The following CSPP1 variants were observed in gnomAD, a reference collection of about 807,000 sequenced individuals.
CSPP1 encodes the protein centrosome and spindle pole associated protein 1.
In CSPP1, 126 loss-of-function variants were observed where a neutral mutation model predicts 164.4. That is an observed-to-expected ratio of 0.77 (90% CI 0.66 to 0.89). The LOEUF (loss-of-function observed/expected upper bound fraction) is 0.89. Among genes scored for constraint, CSPP1 ranks in the 40% least tolerant of loss-of-function variants. CSPP1 has a pLI of 0.00. For synonymous variants in CSPP1, 472 were observed against 476.7 expected (o/e 0.99, Z 0.13); for missense variants, 1,395 against 1,449.8 (o/e 0.96, Z 0.61).
rs1816939050 is a variant in CSPP1 at position 67,111,963 on chromosome 8, ACTAT to A, written c.1094-5_1094-2del. 13 of 1,560,164 alleles carry A rather than the reference ACTAT, an allele frequency of 8.3e-6. No individual in the cohort carries two copies. The highest frequency in any genetic ancestry group is 6.8e-5 in the African/African-American group (5 of 73,528). The stretch of plus-strand genomic sequence containing the variant: ...GTTAAGATTGTATTTTTCTCATACC[ACTAT>A]CTAGGAGGTGAAGATCGAGAACTTA... On this transcript the variant is annotated splice_region_variant and splice_polypyrimidine_tract_variant and intron_variant, in intron 9 of 30. Coordinates refer to ENST00000678616, the MANE Select transcript of CSPP1 (RefSeq NM_001382391.1).
chr8:67,077,975 A>G (rs774433471), intron 3 of CSPP1, among the ~76,000 whole-genome samples: 3 of 152,218 alleles, frequency 2.0e-5, no homozygotes, highest in Admixed American at 6.5e-5. Flanking sequence ...AGTATTATAT[A>G]TTGGTAAAAT....
intron 1 of CSPP1, among the ~76,000 whole-genome samples, chr8:67,067,202 C>G (rs1480030826): frequency 2.6e-5 from 4 of 152,166 alleles, no homozygotes; most frequent in African/African-American, 9.7e-5. Context: ...AACATTTTCC[C>G]ATCTTTTTGT....
chr8:67,190,700 C>T lies in CSPP1; in HGVS notation c.3271C>T (p.Pro1091Ser), dbSNP rs746969161. The T allele has an allele frequency of 6.2e-7, 1 of 1,614,106 alleles. No homozygotes were observed. The highest frequency in any genetic ancestry group is 2.2e-5 in the East Asian group (1 of 44,880). ...PAIEDDVLPP[P>S]SQLPSARERR... ...CATTGAAGATGACGTCCTCCCTCCACCATCACAGTTGCCCTCTGCACGGGA... is the reference window on the plus strand; with the variant it reads ...CATTGAAGATGACGTCCTCCCTCCATCATCACAGTTGCCCTCTGCACGGGA... Residue 1091 changes from proline (P) to serine (S), a missense_variant, in exon 29 of 31, where the codon CCA (proline) becomes TCA (serine). Physicochemically the swap from Pro to Ser is moderately conservative, Grantham distance 74. Coordinates refer to ENST00000678616, the MANE Select transcript of CSPP1 (RefSeq NM_001382391.1).
chr8:67,164,251 A>G (rs1387532628), intron 23 of CSPP1, 140 bp from the exon 24 acceptor site: 13 of 575,948 alleles, frequency 2.3e-5, no homozygotes, highest in African/African-American at 7.5e-5. Flanking sequence ...GTATGTGTGT[A>G]TATATAAAAT....
In CSPP1 at chr8:67,119,519, G is replaced by A. The variant is rs554149614; in HGVS notation, c.1697+698G>A. 2.6e-5 allele frequency among the ~76,000 whole-genome samples: 4 copies of A among 152,000 alleles called. No homozygotes were observed. The East Asian group carries it at 7.7e-4, about 29-fold the overall frequency. On this transcript the variant is annotated intron_variant, in intron 15 of 30. Transcript: ENST00000678616. ...AATATTCTCACCAGTAGGGCACAAG[G>A]GTTCCAATTTCTCCACGTCTTTGCC...
chr8:67,111,905 A>G, intron 9 of CSPP1, 67 bp from the exon 10 acceptor site: 1 of 913,812 alleles, frequency 1.1e-6, no homozygotes, highest in Non-Finnish European at 1.7e-6. Flanking sequence ...GTTTTTAAGG[A>G]CTTAACTTTC....
intron 25 of CSPP1, chr8:67,173,687 TTTAA>T (rs1171364894): frequency 6.6e-6 from 1 of 152,040 alleles, no homozygotes; most frequent in Admixed American, 6.5e-5. Context: ...GTGTTATTTA[TTTAA>T]TTTTCTCTAT....
At chr8:67,152,085 T>TC (rs1465432752) in intron 18 of CSPP1, among the ~76,000 whole-genome samples, 1 of 83,614 alleles carries the variant, frequency 1.2e-5, no homozygotes, top group African/African-American at 6.1e-5. Flanking sequence ...AGACTCCATC[T>TC]CAAAAAAAAA....
chr8:67,168,045 G>A (rs1371207289), intron 24 of CSPP1, among the ~76,000 whole-genome samples: 4 of 152,198 alleles, frequency 2.6e-5, no homozygotes, highest in South Asian at 2.1e-4. Flanking sequence ...CTGCAATCCC[G>A]GCACCTCGGG....
chr8:67,099,622 C>G (rs910803102), intron 7 of CSPP1, among the ~76,000 whole-genome samples: 2 of 152,116 alleles, frequency 1.3e-5, no homozygotes, highest in African/African-American at 4.8e-5. Flanking sequence ...CGTGGTAAAA[C>G]CACTGCTGAT....
At chr8:67,175,238 C>T (rs1831324471) in intron 25 of CSPP1, 58 bp from the exon 26 acceptor site, 1 of 1,370,596 alleles carries the variant, frequency 7.3e-7, no homozygotes, top group Non-Finnish European at 1.0e-6. Context: ...TGAAGTTTTA[C>T]AAAATCCCAT....
At chr8:67,095,805 T>C (rs1812635864) in intron 7 of CSPP1, 73 bp downstream of exon 7, 3 of 932,400 alleles carry the variant, frequency 3.2e-6, no homozygotes, top group Non-Finnish European at 4.9e-6. Flanking sequence ...TGTTGTTACT[T>C]TTTATCATTA....
intron 17 of CSPP1, among the ~76,000 whole-genome samples, chr8:67,138,041 T>C (rs1377209692): frequency 6.6e-6 from 1 of 152,228 alleles, no homozygotes; most frequent in South Asian, 2.1e-4. Flanking sequence ...ATATACCTGC[T>C]AATTGCAAGA....
At chr8:67,084,573 A>T (rs900487194) in intron 3 of CSPP1, among the ~76,000 whole-genome samples, 12 of 152,112 alleles carry the variant, frequency 7.9e-5, no homozygotes. Flanking sequence ...CTCATAGCTG[A>T]ATCTTTAAGG....
intron 13 of CSPP1, 110 bp from the exon 14 acceptor site, chr8:67,118,138 A>G: frequency 4.4e-6 from 5 of 1,129,290 alleles, no homozygotes; most frequent in East Asian, 4.8e-5. Context: ...GACATTTTCT[A>G]AAGTAGTGAT....
At chr8:67,108,889 C>T (rs746919076) in intron 9 of CSPP1, among the ~76,000 whole-genome samples, 16 of 152,132 alleles carry the variant, frequency 1.1e-4, no homozygotes, top group Admixed American at 3.3e-4. Flanking sequence ...ATTTTCTGTC[C>T]CTTCACCAAT....
Position 67,095,728 on chromosome 8 carries a change from G to T in CSPP1, c.919G>T (p.Asp307Tyr). 1.3e-6 allele frequency: 2 copies of T among 1,543,412 alleles called. No homozygotes were observed. The highest frequency in any genetic ancestry group is 2.4e-5 in the South Asian group (2 of 84,082). ...AAGACTTTCGAGAGTGTATACAAATGACAGGTATTTACAACTTCATTTTTA... is the reference window on the plus strand; with the variant it reads ...AAGACTTTCGAGAGTGTATACAAATTACAGGTATTTACAACTTCATTTTTA... ...DRRLSRVYTN[D>Y]RMHRNKRGNM... is the part of the protein sequence containing the mutation. The change falls in exon 7 of 31, where the codon GAC (aspartate) becomes TAC (tyrosine). Residue 307 changes from aspartate to tyrosine, a missense_variant. Transcript: ENST00000678616.
Position 67,118,262 on chromosome 8 carries a change from C to G in CSPP1, c.1511C>G (p.Pro504Arg). ...EMVSPRIAPL[P>R]PPPLLPPLAT... ...TTTTCATACAGGATTGCACCTCTGC[C>G]TCCACCTCCCCTACTACCACCTTTG... is the stretch of plus-strand genomic sequence containing the variant. The change falls in exon 14 of 31, where the codon CCT becomes CGT. Residue 504 changes from proline (P) to arginine (R), a missense_variant. By Grantham distance (103) the Pro-to-Arg change is moderately radical. Transcript: ENST00000678616. 1.9e-6 allele frequency: 3 copies of G among 1,613,576 alleles called. No individual in the cohort carries two copies. The highest frequency in any genetic ancestry group is 1.7e-6 in the Non-Finnish European group (2 of 1,179,646).
chr8:67,186,850 A>T (rs1387987577), intron 28 of CSPP1, among the ~76,000 whole-genome samples: 1 of 152,242 alleles, frequency 6.6e-6, no homozygotes, highest in Non-Finnish European at 1.5e-5. Context: ...AATATATAAA[A>T]GTCAGTCACT....
Sources: gnomAD v4.1 joint callset for allele counts (sites outside exome capture counted in the v4.1 genomes callset) on GRCh38, gnomAD v4.1.1 for gene constraint, MANE v1.5 for transcripts, NCBI Gene and HGNC (gene_info 2026-07-23, HGNC 2026-07-21) for gene names.